The following SMIM36 variants were observed in gnomAD, a reference collection of about 807,000 sequenced individuals.
SMIM36 encodes small integral membrane protein 36.
upstream of SMIM36, among the ~76,000 whole-genome samples, chr17:55,512,396 G>C (rs915343543): frequency 6.6e-6 from 1 of 152,240 alleles, no homozygotes; most frequent in Non-Finnish European, 1.5e-5. Context: ...TGATCCTAGA[G>C]CAATGGGATG....
At chr17:55,488,464 C>A (rs1320306261) in intron 1 of SMIM36, among the ~76,000 whole-genome samples, 1 of 152,144 alleles carries the variant, frequency 6.6e-6, no homozygotes, top group Non-Finnish European at 1.5e-5. Flanking sequence ...ACTGTGCATG[C>A]AATTTTAGGA....
intron 1 of SMIM36, among the ~76,000 whole-genome samples, chr17:55,484,630 C>T (rs1413207200): frequency 6.6e-6 from 1 of 152,144 alleles, no homozygotes; most frequent in East Asian, 1.9e-4. Context: ...AGGCCTTTCG[C>T]TAATGTCAAT....
At chr17:55,449,918 G>C (rs1908876008) in exon 5 of SMIM36, 1 of 152,176 alleles carries the variant, frequency 6.6e-6, no homozygotes, top group Non-Finnish European at 1.5e-5. Flanking sequence ...AGATGCAATG[G>C]ATTGAAGGAT....
At chr17:55,492,242 CTT>C (rs770501215) in intron 1 of SMIM36, among the ~76,000 whole-genome samples, 85 of 111,302 alleles carry the variant, frequency 7.6e-4, no homozygotes, top group African/African-American at 2.8e-3. Context: ...TTCTTTCTTT[CTT>C]TTTTTTTTTT....
chr17:55,473,475 C>G (rs1909376434), intron 3 of SMIM36, among the ~76,000 whole-genome samples: 1 of 152,150 alleles, frequency 6.6e-6, no homozygotes, highest in African/African-American at 2.4e-5. Flanking sequence ...GATTTGGCCC[C>G]CCTACTTCTA....
intron 1 of SMIM36, among the ~76,000 whole-genome samples, chr17:55,484,856 G>C (rs999328298): frequency 6.6e-6 from 1 of 152,216 alleles, no homozygotes; most frequent in Non-Finnish European, 1.5e-5. Flanking sequence ...TCTGCAAGAA[G>C]TCAATGGCAT....
chr17:55,517,430 A>G, the SMIM36 span, among the ~76,000 whole-genome samples: 1 of 152,196 alleles, frequency 6.6e-6, no homozygotes, highest in Non-Finnish European at 1.5e-5. Context: ...GCACACCTGT[A>G]GTCCCAGCTG....
At chr17:55,479,155 G>A (rs1018462363) in intron 2 of SMIM36, among the ~76,000 whole-genome samples, 4 of 152,220 alleles carry the variant, frequency 2.6e-5, no homozygotes, top group East Asian at 1.9e-4. Flanking sequence ...TATGCAAAGT[G>A]TCTAGCTCTT....
At chr17:55,468,563 C>G (rs1179221988) in intron 3 of SMIM36, among the ~76,000 whole-genome samples, 1 of 152,210 alleles carries the variant, frequency 6.6e-6, no homozygotes, top group Non-Finnish European at 1.5e-5. Flanking sequence ...CGTGGGGATG[C>G]CTGCCTTGGT....
At chr17:55,457,998 G>A (rs746432996) in intron 4 of SMIM36, among the ~76,000 whole-genome samples, 25 of 152,124 alleles carry the variant, frequency 1.6e-4, no homozygotes, top group Non-Finnish European at 3.2e-4. Flanking sequence ...ATTTTCATGC[G>A]AGTATGTGCT....
At chr17:55,484,415 C>T (rs1192892928) in intron 1 of SMIM36, among the ~76,000 whole-genome samples, 1 of 152,166 alleles carries the variant, frequency 6.6e-6, no homozygotes, top group Non-Finnish European at 1.5e-5. Flanking sequence ...AAGCAATTAT[C>T]AACAAGGAAT....
At chr17:55,454,523 A>G (rs1202429066) in intron 4 of SMIM36, among the ~76,000 whole-genome samples, 1 of 152,168 alleles carries the variant, frequency 6.6e-6, no homozygotes, top group Non-Finnish European at 1.5e-5. Context: ...AGAAAGTAAA[A>G]ATTTTTAATG....
At chr17:55,511,671 T>C (rs1341715304), upstream of SMIM36, among the ~76,000 whole-genome samples, 1 of 152,138 alleles carries the variant, frequency 6.6e-6, no homozygotes, top group African/African-American at 2.4e-5. Context: ...ACAGGCAGTT[T>C]GGTGAGCAAA....
intron 1 of SMIM36, among the ~76,000 whole-genome samples, chr17:55,497,433 T>C (rs1212312105): frequency 7.2e-5 from 11 of 152,032 alleles, no homozygotes; most frequent in Admixed American, 5.9e-4. Flanking sequence ...CCCGGCTAAT[T>C]ATTTGTATTT....
At chr17:55,516,334 A>G (rs900752242), upstream of SMIM36, among the ~76,000 whole-genome samples, 1 of 152,192 alleles carries the variant, frequency 6.6e-6, no homozygotes, top group African/African-American at 2.4e-5. Context: ...GGAGAGACAC[A>G]GCCTGGAAGA....
chr17:55,452,851 C>T (rs2143222950), intron 4 of SMIM36, among the ~76,000 whole-genome samples: 1 of 152,322 alleles, frequency 6.6e-6, no homozygotes, highest in Middle Eastern at 3.4e-3. Flanking sequence ...TAGGTCAACA[C>T]TCACTAAATA....
Position 55,483,917 on chromosome 17 carries a change from C to T in SMIM36, c.*175-4337G>A, listed in dbSNP as rs192275284. On this transcript the variant is annotated intron_variant, in intron 1 of 4. Transcript: ENST00000636752. Reference sequence around the variant, plus strand: ...TGCTGGAATTACAGGCATGAGCCACCGTGCTTGGCCTGTGTCAACTAATTT... The same window carrying T: ...TGCTGGAATTACAGGCATGAGCCACTGTGCTTGGCCTGTGTCAACTAATTT... Among the ~76,000 whole-genome samples the T allele has an allele frequency of 1.2e-4, 18 of 152,266 alleles. No individual in the cohort carries two copies. In the South Asian group the frequency reaches 1.9e-3, roughly 16 times the overall value.
At chr17:55,473,539 C>G (rs1232452269) in intron 3 of SMIM36, among the ~76,000 whole-genome samples, 1 of 152,116 alleles carries the variant, frequency 6.6e-6, no homozygotes, top group Admixed American at 6.6e-5. Flanking sequence ...AGCAGTTTTT[C>G]AGGCTCTTGG....
intron 4 of SMIM36, among the ~76,000 whole-genome samples, chr17:55,460,210 A>C (rs997566807): frequency 9.2e-5 from 14 of 152,084 alleles, no homozygotes; most frequent in African/African-American, 3.4e-4. Context: ...CAGGTGGATC[A>C]CAAGGTCAGG....
Sources: gnomAD v4.1 joint callset for allele counts (sites outside exome capture counted in the v4.1 genomes callset) on GRCh38, gnomAD v4.1.1 for gene constraint, MANE v1.5 for transcripts, NCBI Gene and HGNC (gene_info 2026-07-23, HGNC 2026-07-21) for gene names.